POLR2F: variants seen among roughly 807,000 people sequenced by gnomAD.
POLR2F encodes DNA-directed RNA polymerases I, II, and III subunit RPABC2.
In POLR2F, 12 loss-of-function variants were observed where a neutral mutation model predicts 22.7. That is an observed-to-expected ratio of 0.53 (90% CI 0.34 to 0.86). The LOEUF is 0.86. Ranked by LOEUF, POLR2F falls within the 40% of genes least tolerant of loss-of-function variation. The pLI is 0.02. For synonymous variants in POLR2F, 57 were observed against 66.0 expected, an observed-to-expected ratio of 0.86 and a Z score of 0.66; for missense variants, 126 against 171.5, an observed-to-expected ratio of 0.73 and a Z score of 1.48.
chr22:37,967,296 GGAACA>G (rs1931894070), intron 4 of POLR2F, 126 bp downstream of exon 4: 1 of 1,533,682 alleles, frequency 6.5e-7, no homozygotes, highest in African/African-American at 1.4e-5. Context: ...CAGATCCTTA[GGAACA>G]GCTCACCAGG....
intron 3 of POLR2F, among the ~76,000 whole-genome samples, chr22:37,964,111 A>C (rs139875): frequency 6.9e-6 from 1 of 144,388 alleles, no homozygotes; most frequent in East Asian, 2.0e-4. Context: ...AAAAATAATT[A>C]AAAAAAAAAA....
intron 2 of POLR2F, chr22:38,026,245 C>T (rs1376017000): frequency 3.8e-6 from 2 of 533,158 alleles, no homozygotes; most frequent in Non-Finnish European, 7.7e-6. Context: ...GCAGAACACT[C>T]AATTTCCCTC....
In POLR2F at chr22:37,986,595, G is replaced by A. The variant is rs1271998135; in HGVS notation, c.120+283G>A. 1 of 706,422 alleles carries A rather than the reference G, an allele frequency of 1.4e-6. No homozygotes were observed. The highest frequency in any genetic ancestry group is 1.5e-5 in the South Asian group (1 of 66,962). The allele number at this position is 706,422 out of a possible 1,614,324, so 43.8% of individuals were successfully genotyped here. A position where few individuals can be genotyped will look rare whatever the true frequency, so the allele number is the denominator to read the frequency against. ...CTGCAGGAAGCCACGCTAGACAGAA[G>A]GGGCCACTCCCTCTCTCTCTCCCTT... On this transcript the variant is annotated intron_variant, in intron 1 of 2. Coordinates refer to the POLR2F transcript ENST00000333418. This position sits in a 1 kb window ranked among gnomAD's most constrained non-coding sequence, Gnocchi z 4.7.
At chr22:38,013,318 G>A (rs1397576643) in intron 1 of POLR2F, among the ~76,000 whole-genome samples, 1 of 152,090 alleles carries the variant, frequency 6.6e-6, no homozygotes, top group Admixed American at 6.6e-5. Flanking sequence ...GCTAATTTTT[G>A]TATTTTTAGT....
In POLR2F at chr22:37,986,436, G is replaced by T; in HGVS notation, c.120+124G>T. Reference sequence around the variant, plus strand: ...GGGGCAGGAGGGGTGGTTGTGGAAGGAAAGAGCCCAGAGTTAGGAGGTGGA... The same window carrying T: ...GGGGCAGGAGGGGTGGTTGTGGAAGTAAAGAGCCCAGAGTTAGGAGGTGGA... On this transcript the variant is annotated intron_variant, in intron 1 of 2. Transcript: ENST00000333418. This position sits in a 1 kb window ranked among gnomAD's most constrained non-coding sequence, Gnocchi z 4.7. The T allele has an allele frequency of 6.5e-7, 1 of 1,529,612 alleles. No homozygotes were observed. Among genetic ancestry groups the T allele is most frequent in the Non-Finnish European group, 8.8e-7 (1 of 1,142,634 alleles). The allele number at this position is 1,529,612 out of a possible 1,614,324, so 94.8% of individuals were successfully genotyped here.
chr22:38,026,356 T>G (rs760189347), exon 3 of POLR2F: 5 of 518,628 alleles, frequency 9.6e-6, no homozygotes, highest in Non-Finnish European at 2.0e-5. Context: ...GCCCTTTCTC[T>G]GCCACCAGCC....
upstream of POLR2F, among the ~76,000 whole-genome samples, chr22:37,981,483 G>A (rs1419724904): frequency 6.6e-6 from 1 of 152,234 alleles, no homozygotes; most frequent in East Asian, 1.9e-4. Context: ...CCAAGAATAA[G>A]TCCTCCTGAA....
intron 1 of POLR2F, among the ~76,000 whole-genome samples, chr22:37,954,115 C>T (rs79969835): frequency 0.011 from 1,616 of 152,196 alleles, 32 homozygotes; most frequent in African/African-American, 0.036. Flanking sequence ...ACAATCGTCC[C>T]TGCCTCTCCA....
chr22:37,976,547 A>G (rs1932226746), intron 4 of POLR2F, among the ~76,000 whole-genome samples: 1 of 152,162 alleles, frequency 6.6e-6, no homozygotes, highest in Non-Finnish European at 1.5e-5. Context: ...AGCACTTCCC[A>G]TGTGGCAGAC....
chr22:37,994,962 C>T (rs985679516), intron 1 of POLR2F, among the ~76,000 whole-genome samples: 1 of 152,212 alleles, frequency 6.6e-6, no homozygotes, highest in Non-Finnish European at 1.5e-5. Flanking sequence ...TTTACCTCAC[C>T]TCTCTACCAG....
rs193084751 is a variant in POLR2F, at chr22:38,017,840, C to A, written c.121-8029C>A. Reference sequence around the variant, plus strand: ...GAACTCTGTCTCCCTGCAGCTTCTACCCTTTGGTTCCAGTTCTACTCATTG... The same window carrying A: ...GAACTCTGTCTCCCTGCAGCTTCTAACCTTTGGTTCCAGTTCTACTCATTG... On this transcript the variant is annotated intron_variant, in intron 1 of 2. Transcript: ENST00000333418. This position sits in a 1 kb window ranked among gnomAD's most constrained non-coding sequence, Gnocchi z 4.1. Among the ~76,000 whole-genome samples, 1 of 152,342 alleles carries A rather than the reference C, an allele frequency of 6.6e-6. No individual in the cohort carries two copies.
At chr22:37,991,533 A>G (rs919049829) in intron 1 of POLR2F, among the ~76,000 whole-genome samples, 1 of 152,242 alleles carries the variant, frequency 6.6e-6, no homozygotes, top group African/African-American at 2.4e-5. Context: ...AAAATATTTA[A>G]TATGAATCTT....
At chr22:38,023,494 A>G (rs1228408156) in intron 1 of POLR2F, among the ~76,000 whole-genome samples, 1 of 151,966 alleles carries the variant, frequency 6.6e-6, no homozygotes, top group Non-Finnish European at 1.5e-5. Flanking sequence ...TCCCATATTA[A>G]CTATATTATT....
intron 1 of POLR2F, among the ~76,000 whole-genome samples, chr22:37,993,861 C>T (rs534312662): frequency 2.0e-5 from 3 of 152,192 alleles, no homozygotes; most frequent in East Asian, 1.9e-4. Flanking sequence ...TGGTGGCGGG[C>T]GCCTGTAGTC....
At chr22:38,013,239 G>A (rs1190832865) in intron 1 of POLR2F, among the ~76,000 whole-genome samples, 4 of 152,110 alleles carry the variant, frequency 2.6e-5, no homozygotes, top group East Asian at 3.9e-4. Flanking sequence ...TCTGCCTCCC[G>A]GTTTCAAGTG....
intron 1 of POLR2F, among the ~76,000 whole-genome samples, chr22:38,022,504 TTG>T (rs2084968186): frequency 6.7e-6 from 1 of 148,756 alleles, no homozygotes; most frequent in East Asian, 2.0e-4. Context: ...TGACCCGAGA[TTG>T]CGTCACTGCA....
At position 38,002,280 on chromosome 22, in the gene POLR2F, G is replaced by A. The variant is rs146101578; in HGVS notation, c.120+15968G>A. On this transcript the variant is annotated intron_variant, in intron 1 of 2. Transcript: ENST00000333418. ...TCCAGCTCCAAAGTATACAAAAATAGCAACAGAGAAATTATTCAAAATTTT... is the reference window on the plus strand; with the variant it reads ...TCCAGCTCCAAAGTATACAAAAATAACAACAGAGAAATTATTCAAAATTTT... Among the ~76,000 whole-genome samples, 843 of 151,990 alleles carry A rather than the reference G, an allele frequency of 5.5e-3. 8 individuals are homozygous for A. The highest frequency in any genetic ancestry group is 6.4e-3 in the Non-Finnish European group (433 of 67,984).
rs548986120 is a variant in POLR2F, at chr22:37,959,610, G to A, written c.221+134G>A. ...ATTCCAAAAGTGGTGCCGTCCCTGC[G>A]TACCAGGCATTGAGCTAGTCCCCTG... On this transcript the variant is annotated intron_variant, in intron 3 of 4. Coordinates refer to ENST00000442738, the MANE Select transcript of POLR2F (RefSeq NM_021974.5). 32 of 988,202 alleles carry A rather than the reference G, an allele frequency of 3.2e-5. No homozygotes were observed. In the South Asian group the frequency reaches 3.6e-4, roughly 11 times the overall value. 61.2% of individuals were successfully genotyped at this position (988,202 alleles called of 1,614,324 possible).
At chr22:37,976,252 A>G (rs959440899) in intron 4 of POLR2F, among the ~76,000 whole-genome samples, 1 of 152,064 alleles carries the variant, frequency 6.6e-6, no homozygotes, top group Admixed American at 6.5e-5. Context: ...AAAAAGACAG[A>G]GTCTTACTAC....
Sources: allele counts gnomAD v4.1 joint callset (sites outside exome capture counted in the v4.1 genomes callset), GRCh38; gene constraint gnomAD v4.1.1; non-coding constraint Gnocchi (gnomAD v3.1); transcripts MANE v1.5; gene names NCBI Gene and HGNC (gene_info 2026-07-23, HGNC 2026-07-21).